The following PDE1C variants were observed in gnomAD, a reference collection of about 807,000 sequenced individuals.
PDE1C encodes dual specificity calcium/calmodulin-dependent 3',5'-cyclic nucleotide phosphodiesterase 1C.
In PDE1C, 62 loss-of-function variants were observed where a neutral mutation model predicts 93.1. That is an observed-to-expected ratio of 0.67 (90% CI 0.54 to 0.82). The LOEUF is 0.82. Ranked by LOEUF, PDE1C falls within the 40% of genes least tolerant of loss-of-function variation. The pLI is 0.00. For synonymous variants in PDE1C, 325 were observed against 310.1 expected, an observed-to-expected ratio of 1.05 and a Z score of -0.50; for missense variants, 742 against 884.6, an observed-to-expected ratio of 0.84 and a Z score of 2.04.
chr7:31,797,676 G>A (rs1254155047), intron 16 of PDE1C, among the ~76,000 whole-genome samples: 2 of 151,554 alleles, frequency 1.3e-5, no homozygotes, highest in Non-Finnish European at 3.0e-5. Context: ...ACATGATCTG[G>A]GCACACCTTC....
At chr7:31,746,955 C>A (rs961686594), downstream of PDE1C, among the ~76,000 whole-genome samples, 6 of 152,264 alleles carry the variant, frequency 3.9e-5, no homozygotes, top group African/African-American at 1.2e-4. Flanking sequence ...GTAATGTCAG[C>A]TCTTCTCCTA....
chr7:32,411,288 G>A (rs59602446), intron 1 of PDE1C, among the ~76,000 whole-genome samples: 23 of 152,260 alleles, frequency 1.5e-4, no homozygotes, highest in African/African-American at 4.8e-4. Flanking sequence ...GCGATTAGGC[G>A]ATTTCATTAT....
chr7:31,988,992 T>G (rs1365433741), intron 2 of PDE1C, among the ~76,000 whole-genome samples: 2 of 59,800 alleles, frequency 3.3e-5, no homozygotes, highest in Non-Finnish European at 6.0e-5. Context: ...TGAAACTTCT[T>G]CTCAAAAAAA....
intron 1 of PDE1C, among the ~76,000 whole-genome samples, chr7:32,380,269 G>A (rs1033705709): frequency 9.3e-5 from 14 of 149,760 alleles, no homozygotes; most frequent in African/African-American, 3.2e-4. Flanking sequence ...ATGGAGCCTC[G>A]CTCTTTCACC....
the PDE1C span, among the ~76,000 whole-genome samples, chr7:31,629,142 TA>T: frequency 6.6e-6 from 1 of 152,220 alleles, no homozygotes; most frequent in African/African-American, 2.4e-5. Context: ...GCACTGGATC[TA>T]AATTAAAATT....
chr7:32,094,687 C>T (rs1025194192), intron 3 of PDE1C, among the ~76,000 whole-genome samples: 7 of 152,152 alleles, frequency 4.6e-5, no homozygotes, highest in Non-Finnish European at 8.8e-5. Context: ...AAGAGTCCAG[C>T]GGTCCATTCA....
intron 7 of PDE1C, among the ~76,000 whole-genome samples, chr7:31,859,682 G>C (rs78817195): frequency 0.011 from 1,683 of 151,670 alleles, 32 homozygotes; most frequent in African/African-American, 0.039. Flanking sequence ...TGACCCACTA[G>C]TGTTAACAAA....
chr7:31,729,163 C>G, the PDE1C span, among the ~76,000 whole-genome samples: 1 of 152,208 alleles, frequency 6.6e-6, no homozygotes, highest in Non-Finnish European at 1.5e-5. Context: ...AGCACCAGGC[C>G]TGACATTTTA....
intron 2 of PDE1C, among the ~76,000 whole-genome samples, chr7:31,987,896 T>C (rs1438952930): frequency 6.6e-6 from 1 of 152,236 alleles, no homozygotes; most frequent in Non-Finnish European, 1.5e-5. Flanking sequence ...TCAGCTACCC[T>C]GGATCTGTTC....
chr7:32,052,155 A>G (rs1309836349), intron 1 of PDE1C, among the ~76,000 whole-genome samples: 1 of 152,188 alleles, frequency 6.6e-6, no homozygotes, highest in African/African-American at 2.4e-5. Context: ...AGGTCTTCAA[A>G]AAAAGAAGAA....
At chr7:31,938,899 T>C (rs1400500324) in intron 2 of PDE1C, among the ~76,000 whole-genome samples, 7 of 152,148 alleles carry the variant, frequency 4.6e-5, no homozygotes, top group Non-Finnish European at 1.5e-5. Context: ...ACCTTAATTA[T>C]AGCTACAGTG....
At chr7:32,115,211 A>G (rs924256664) in intron 3 of PDE1C, among the ~76,000 whole-genome samples, 10 of 152,178 alleles carry the variant, frequency 6.6e-5, no homozygotes, top group Non-Finnish European at 1.0e-4. Context: ...CATGGAATCA[A>G]CCCAAATGCC....
At chr7:31,851,503 C>T (rs879104088) in intron 7 of PDE1C, among the ~76,000 whole-genome samples, 2 of 152,196 alleles carry the variant, frequency 1.3e-5, no homozygotes, top group Admixed American at 1.3e-4. Flanking sequence ...GCTTCCTTAA[C>T]TGACTTCCAT....
chr7:32,151,918 TTAA>T (rs1293627330), intron 3 of PDE1C, among the ~76,000 whole-genome samples: 2 of 152,228 alleles, frequency 1.3e-5, no homozygotes. Flanking sequence ...CATTTATATC[TTAA>T]TAAAGCTGTT....
At chr7:32,336,987 C>T (rs967976279) in intron 1 of PDE1C, among the ~76,000 whole-genome samples, 3 of 152,114 alleles carry the variant, frequency 2.0e-5, no homozygotes, top group South Asian at 2.1e-4. Context: ...TCTTACACCC[C>T]GCCCTCCCTC....
intron 2 of PDE1C, among the ~76,000 whole-genome samples, chr7:31,935,085 G>A (rs1247938115): frequency 1.3e-5 from 2 of 152,016 alleles, no homozygotes; most frequent in African/African-American, 4.8e-5. Flanking sequence ...TATGACAAAA[G>A]CAACAAAAAC....
intron 2 of PDE1C, among the ~76,000 whole-genome samples, chr7:31,968,445 C>T (rs1322673035): frequency 6.6e-6 from 1 of 151,804 alleles, no homozygotes; most frequent in Non-Finnish European, 1.5e-5. Context: ...AACCACTGCT[C>T]AATGAAATAA....
intron 2 of PDE1C, among the ~76,000 whole-genome samples, chr7:32,180,790 T>C (rs1803344111): frequency 6.6e-6 from 1 of 152,240 alleles, no homozygotes; most frequent in Non-Finnish European, 1.5e-5. Flanking sequence ...TTAAATGCTA[T>C]GTGGAATTGT....
At chr7:32,100,862 G>GAA (rs547397743) in intron 3 of PDE1C, among the ~76,000 whole-genome samples, 1 of 150,656 alleles carries the variant, frequency 6.6e-6, no homozygotes, top group Non-Finnish European at 1.5e-5. Context: ...TGTGCCAGAG[G>GAA]AAAAAAAAAG....
Sources: gnomAD v4.1 joint callset for allele counts (sites outside exome capture counted in the v4.1 genomes callset) on GRCh38, gnomAD v4.1.1 for gene constraint, MANE v1.5 for transcripts, NCBI Gene and HGNC (gene_info 2026-07-23, HGNC 2026-07-21) for gene names.